EBF1: variants seen among roughly 807,000 people sequenced by gnomAD.
The protein encoded by EBF1 is EBF transcription factor 1.
Under a neutral mutation model 68.4 loss-of-function variants are expected in EBF1, and 10 were observed. That is an observed-to-expected ratio of 0.15 (90% confidence interval 0.09 to 0.25). The LOEUF (loss-of-function observed/expected upper bound fraction) is 0.25. Among genes scored for constraint, EBF1 ranks in the 10% least tolerant of loss-of-function variants. EBF1 has a pLI of 1.00. For missense variants in EBF1, 509 were observed against 794.4 expected (o/e 0.64, Z 4.32); for synonymous variants, 298 against 299.8 (o/e 0.99, Z 0.06).
chr5:158,872,313 C>T (rs1797022697), intron 6 of EBF1, among the ~76,000 whole-genome samples: 1 of 152,022 alleles, frequency 6.6e-6, no homozygotes, highest in Non-Finnish European at 1.5e-5. Flanking sequence ...TCTCTTGTCT[C>T]AGACTCCCAA....
intron 10 of EBF1, among the ~76,000 whole-genome samples, chr5:158,746,518 G>T (rs1767601307): frequency 6.6e-6 from 1 of 152,036 alleles, no homozygotes; most frequent in Admixed American, 6.6e-5. Flanking sequence ...AGAAGCCCTT[G>T]TTCTTGCTAA....
At chr5:158,995,317 T>C (rs1761172164) in intron 6 of EBF1, among the ~76,000 whole-genome samples, 3 of 152,194 alleles carry the variant, frequency 2.0e-5, no homozygotes, top group African/African-American at 7.2e-5. Context: ...CATATTTTAT[T>C]TAACAAGGCA....
At chr5:159,069,260 G>A (rs1777397824) in intron 6 of EBF1, among the ~76,000 whole-genome samples, 1 of 151,016 alleles carries the variant, frequency 6.6e-6, no homozygotes, top group Admixed American at 6.6e-5. Context: ...ATTGCACAAG[G>A]AATGATGCTC....
At chr5:158,910,676 CTT>C (rs1805771697) in intron 6 of EBF1, among the ~76,000 whole-genome samples, 1 of 152,136 alleles carries the variant, frequency 6.6e-6, no homozygotes, top group African/African-American at 2.4e-5. Context: ...TTTCCCCAAT[CTT>C]TAAGTATTTC....
At chr5:158,868,373 G>T (rs1796300893) in intron 6 of EBF1, among the ~76,000 whole-genome samples, 1 of 152,248 alleles carries the variant, frequency 6.6e-6, no homozygotes, top group African/African-American at 2.4e-5. Context: ...TAAGAAGAGA[G>T]CTCCAAACAT....
At chr5:158,966,425 C>A (rs922448620) in intron 6 of EBF1, among the ~76,000 whole-genome samples, 1 of 152,230 alleles carries the variant, frequency 6.6e-6, no homozygotes, top group Middle Eastern at 3.4e-3. Context: ...TTTTTCTATG[C>A]CTTCATTTCC....
At chr5:158,877,673 AAT>A (rs1798054058) in intron 6 of EBF1, among the ~76,000 whole-genome samples, 1 of 150,732 alleles carries the variant, frequency 6.6e-6, no homozygotes, top group African/African-American at 2.4e-5. Flanking sequence ...GAGTTATGAT[AAT>A]AGTTTATAAC....
chr5:158,973,063 C>A (rs185258896), intron 6 of EBF1, among the ~76,000 whole-genome samples: 2 of 152,310 alleles, frequency 1.3e-5, no homozygotes, highest in African/African-American at 4.8e-5. Context: ...ATTTTCCTTG[C>A]AGAATTCATC....
chr5:159,099,218 C>A (rs1783190364), intron 1 of EBF1, 127 bp downstream of exon 1: 2 of 654,548 alleles, frequency 3.1e-6, no homozygotes, highest in Non-Finnish European at 4.3e-6. Flanking sequence ...GAGAGCGGAG[C>A]GCAGCGGCTG....
intron 6 of EBF1, among the ~76,000 whole-genome samples, chr5:158,937,704 G>T (rs889682263): frequency 1.4e-4 from 22 of 152,356 alleles, no homozygotes; most frequent in Admixed American, 1.4e-3. Context: ...ATCGCTTGAG[G>T]TGCATAAAGC....
chr5:158,724,161 A>G (rs188891039), intron 11 of EBF1, among the ~76,000 whole-genome samples: 20 of 152,318 alleles, frequency 1.3e-4, no homozygotes, highest in Admixed American at 1.2e-3. Flanking sequence ...AAGAGAATGC[A>G]GAGATGTTTC....
intron 10 of EBF1, among the ~76,000 whole-genome samples, chr5:158,773,028 C>T (rs1774212056): frequency 1.3e-5 from 2 of 152,012 alleles, no homozygotes; most frequent in South Asian, 4.1e-4. Flanking sequence ...CTATATCCAT[C>T]ATCTTGAACC....
chr5:159,015,724 G>T (rs1314399902), intron 6 of EBF1, among the ~76,000 whole-genome samples: 3 of 152,154 alleles, frequency 2.0e-5, no homozygotes, highest in Non-Finnish European at 2.9e-5. Flanking sequence ...AAGCACTGGG[G>T]ACAGTGGCTA....
rs2128014255 is a variant in EBF1, at chr5:159,098,154, T to G, written c.135-1024A>C. Among the ~76,000 whole-genome samples the G allele has an allele frequency of 3.3e-5, 5 of 152,320 alleles. No homozygotes were observed. The South Asian group carries it at 1.0e-3, about 32-fold the overall frequency. On this transcript the variant is annotated intron_variant, in intron 1 of 15. Coordinates refer to ENST00000313708, the MANE Select transcript of EBF1 (RefSeq NM_024007.5). ...TCCGCACTCTGAGTCCGATAGGGCC[T>G]GGGGCCACCAGATCTCCCACTGTCC...
At chr5:158,843,817 C>T (rs1444562809) in intron 6 of EBF1, among the ~76,000 whole-genome samples, 1 of 152,160 alleles carries the variant, frequency 6.6e-6, no homozygotes, top group Non-Finnish European at 1.5e-5. Context: ...AATATCCCCA[C>T]TGAGAGACAG....
chr5:159,060,010 A>G (rs534222234), intron 6 of EBF1, among the ~76,000 whole-genome samples: 28 of 152,238 alleles, frequency 1.8e-4, no homozygotes, highest in Non-Finnish European at 3.7e-4. Flanking sequence ...GACTAGAAAT[A>G]TAACAGTCAT....
chr5:158,846,757 G>A (rs1392023035), intron 6 of EBF1, among the ~76,000 whole-genome samples: 1 of 152,224 alleles, frequency 6.6e-6, no homozygotes, highest in African/African-American at 2.4e-5. Flanking sequence ...TGCCACAAGG[G>A]CAGGCTGAGG....
intron 6 of EBF1, among the ~76,000 whole-genome samples, chr5:158,975,466 A>C (rs1421089347): frequency 6.6e-6 from 1 of 152,198 alleles, no homozygotes; most frequent in Non-Finnish European, 1.5e-5. Flanking sequence ...ATATTTTCCA[A>C]CTTTTTTAAA....
chr5:158,841,614 C>G (rs772897990), intron 6 of EBF1, among the ~76,000 whole-genome samples: 1 of 152,288 alleles, frequency 6.6e-6, no homozygotes, highest in East Asian at 1.9e-4. Flanking sequence ...CCCTATGATG[C>G]CTCAGTCTGA....
Sources: allele counts gnomAD v4.1 joint callset (sites outside exome capture counted in the v4.1 genomes callset), GRCh38; gene constraint gnomAD v4.1.1; transcripts MANE v1.5; gene names NCBI Gene and HGNC (gene_info 2026-07-23, HGNC 2026-07-21).